Variants in STPG4 observed in about 807,000 individuals in gnomAD.
STPG4 encodes the protein protein STPG4.
Under a neutral mutation model 31.5 loss-of-function variants are expected in STPG4, and 41 were observed. The observed-to-expected ratio is 1.30, with a 90% CI of 1.01 to 1.69. The LOEUF (loss-of-function observed/expected upper bound fraction) is 1.69. Among genes scored for constraint, STPG4 ranks in the 40% most tolerant of loss-of-function variants. The pLI is 0.00. For missense variants in STPG4, 375 were observed against 293.4 expected (o/e 1.28, Z -2.03); for synonymous variants, 141 against 103.0 (o/e 1.37, Z -2.24).
At chr2:47,092,982 G>A (rs1685601867) in intron 5 of STPG4, among the ~76,000 whole-genome samples, 1 of 152,096 alleles carries the variant, frequency 6.6e-6, no homozygotes, top group Non-Finnish European at 1.5e-5. Context: ...TAGTAGAGAT[G>A]GGGTTTCACC....
At chr2:47,137,510 G>A (rs546879676) in intron 3 of STPG4, among the ~76,000 whole-genome samples, 3 of 152,118 alleles carry the variant, frequency 2.0e-5, no homozygotes, top group South Asian at 2.1e-4. Context: ...GTTAGGAGGT[G>A]TGTCCCCTGC....
intron 3 of STPG4, among the ~76,000 whole-genome samples, chr2:47,135,192 CA>C (rs942341807): frequency 6.6e-6 from 1 of 152,098 alleles, no homozygotes; most frequent in Non-Finnish European, 1.5e-5. Context: ...ATTTTAGTTC[CA>C]AAGAAATCCA....
At chr2:47,114,249 A>G (rs1244262468) in intron 5 of STPG4, among the ~76,000 whole-genome samples, 2 of 152,050 alleles carry the variant, frequency 1.3e-5, no homozygotes, top group Admixed American at 6.6e-5. Flanking sequence ...TCATACCTGT[A>G]ATCCCAGCAC....
intron 5 of STPG4, among the ~76,000 whole-genome samples, chr2:47,105,235 G>A (rs1250851941): frequency 6.6e-6 from 1 of 151,962 alleles, no homozygotes; most frequent in African/African-American, 2.4e-5. Context: ...ACAACCGGTG[G>A]CATACCTAAG....
chr2:47,139,410 T>TTA (rs1399334745), intron 3 of STPG4, among the ~76,000 whole-genome samples: 2 of 151,794 alleles, frequency 1.3e-5, no homozygotes, highest in Admixed American at 6.6e-5. Context: ...CTGCTTTATT[T>TTA]TTTTTTTTTC....
intron 5 of STPG4, among the ~76,000 whole-genome samples, chr2:47,091,353 G>A (rs1685566223): frequency 6.6e-6 from 1 of 152,228 alleles, no homozygotes; most frequent in South Asian, 2.1e-4. Context: ...AAGGAGAGTG[G>A]TTATTGGTTG....
At chr2:47,111,562 G>A (rs2103754931) in intron 5 of STPG4, among the ~76,000 whole-genome samples, 1 of 152,276 alleles carries the variant, frequency 6.6e-6, no homozygotes, top group South Asian at 2.1e-4. Flanking sequence ...ATGCTGTTGT[G>A]AGTGAAGCAC....
chr2:47,146,237 C>T (rs1573198674), intron 3 of STPG4, among the ~76,000 whole-genome samples: 1 of 152,246 alleles, frequency 6.6e-6, no homozygotes, highest in East Asian at 1.9e-4. Context: ...ACCAGGAGCA[C>T]GGCAACGTCT....
At chr2:47,150,870 C>T (rs1270720569) in intron 3 of STPG4, among the ~76,000 whole-genome samples, 4 of 151,856 alleles carry the variant, frequency 2.6e-5, no homozygotes, top group African/African-American at 9.7e-5. Context: ...TATATTTATG[C>T]TCTAATAAGG....
At chr2:47,138,661 T>C (rs1686645850) in intron 3 of STPG4, among the ~76,000 whole-genome samples, 1 of 152,214 alleles carries the variant, frequency 6.6e-6, no homozygotes, top group African/African-American at 2.4e-5. Context: ...GAGATTCTCC[T>C]GTCTCAGCCT....
chr2:47,094,616 C>T (rs547938767), intron 5 of STPG4, among the ~76,000 whole-genome samples: 1 of 152,194 alleles, frequency 6.6e-6, no homozygotes, highest in African/African-American at 2.4e-5. Flanking sequence ...AAAGAATAAA[C>T]GGAGATAGGA....
intron 5 of STPG4, chr2:47,108,520 G>A (rs138116785): frequency 1.6e-3 from 278 of 168,678 alleles, no homozygotes; most frequent in African/African-American, 5.6e-3. Flanking sequence ...AACACTCACT[G>A]CGAGTGTCCA....
chr2:47,106,961 C>A (rs1222435939), intron 5 of STPG4, among the ~76,000 whole-genome samples: 1 of 152,042 alleles, frequency 6.6e-6, no homozygotes, highest in Non-Finnish European at 1.5e-5. Context: ...GGCACTTCCA[C>A]TGGCCTAGAG....
intron 3 of STPG4, among the ~76,000 whole-genome samples, chr2:47,142,441 G>A (rs1558687219): frequency 6.6e-6 from 1 of 151,806 alleles, no homozygotes; most frequent in Non-Finnish European, 1.5e-5. Context: ...TCCCAACCTA[G>A]GAAATAAATA....
chr2:47,091,302 G>A (rs766561545), intron 5 of STPG4, among the ~76,000 whole-genome samples: 3 of 152,144 alleles, frequency 2.0e-5, no homozygotes, highest in Non-Finnish European at 2.9e-5. Flanking sequence ...ATATGAAACA[G>A]CTTAAAACAT....
intron 5 of STPG4, among the ~76,000 whole-genome samples, chr2:47,126,054 G>A (rs942447992): frequency 9.2e-5 from 14 of 152,042 alleles, no homozygotes; most frequent in African/African-American, 3.1e-4. Flanking sequence ...TTATTTCTGG[G>A]TTATCTATTC....
At chr2:47,148,750 A>C (rs553440884) in intron 3 of STPG4, among the ~76,000 whole-genome samples, 1 of 152,086 alleles carries the variant, frequency 6.6e-6, no homozygotes, top group South Asian at 2.1e-4. Flanking sequence ...CTCATTGTTC[A>C]GTTCCCACCT....
chr2:47,153,773 CA>C (rs1573205813), intron 1 of STPG4, among the ~76,000 whole-genome samples: 1 of 151,776 alleles, frequency 6.6e-6, no homozygotes, highest in African/African-American at 2.4e-5. Flanking sequence ...GAAGCCACCT[CA>C]GGGGGAAAAA....
rs547416570 is a variant in STPG4, at chr2:47,090,460, T to A, written c.520-86A>T. 146 of 839,458 alleles carry A rather than the reference T, an allele frequency of 1.7e-4. No individual in the cohort carries two copies. The African/African-American group carries it at 2.3e-3, about 13-fold the overall frequency. 52.0% of individuals were successfully genotyped at this position (839,458 alleles called of 1,614,324 possible). On this transcript the variant is annotated intron_variant, in intron 5 of 6. Coordinates refer to ENST00000445927, the MANE Select transcript of STPG4 (RefSeq NM_001163561.2). ...TATTTGCCTTCTACAAATAAACATA[T>A]GAATCACTGTGATATAGTAGAAAAA...
Sources: allele counts gnomAD v4.1 joint callset (sites outside exome capture counted in the v4.1 genomes callset), GRCh38; gene constraint gnomAD v4.1.1; transcripts MANE v1.5; gene names NCBI Gene and HGNC (gene_info 2026-07-23, HGNC 2026-07-21).